MICU3: variants seen among roughly 807,000 people sequenced by gnomAD.
MICU3 encodes mitochondrial calcium uptake 3.
A neutral mutation model predicts 66.5 loss-of-function variants in MICU3; 62 were observed. The observed-to-expected ratio is 0.93, with a 90% CI of 0.76 to 1.15. The LOEUF (loss-of-function observed/expected upper bound fraction) is 1.15. Ranked by LOEUF, MICU3 falls within the 50% of genes most tolerant of loss-of-function variation. MICU3 has a pLI of 0.00. For synonymous variants in MICU3, 308 were observed against 240.7 expected (o/e 1.28, Z -2.59); for missense variants, 779 against 664.4 (o/e 1.17, Z -1.90).
chr8:17,114,039 A>AG, intron 11 of MICU3, 54 bp from the exon 12 acceptor site: 1 of 1,034,728 alleles, frequency 9.7e-7, no homozygotes. Flanking sequence ...GTAGATCCTG[A>AG]TTTTAATAAA....
chr8:17,124,205 A>G (rs760570275), downstream of MICU3, among the ~76,000 whole-genome samples: 5 of 152,132 alleles, frequency 3.3e-5, no homozygotes, highest in African/African-American at 4.8e-5. Flanking sequence ...TCCTTTCAGT[A>G]TACAGTATAA....
intron 1 of MICU3, among the ~76,000 whole-genome samples, chr8:17,061,398 A>G (rs1174512671): frequency 6.6e-6 from 1 of 152,062 alleles, no homozygotes; most frequent in African/African-American, 2.4e-5. Context: ...ATGAGAAAAC[A>G]GGCATCTCAG....
intron 1 of MICU3, among the ~76,000 whole-genome samples, chr8:17,050,530 T>C (rs1014426830): frequency 2.0e-5 from 3 of 152,158 alleles, no homozygotes; most frequent in African/African-American, 7.2e-5. Context: ...AAGCACCTTA[T>C]TCTGTTACTC....
Position 17,038,309 on chromosome 8 carries a change from C to T in MICU3, c.381+10649C>T, listed in dbSNP as rs1008582179. Among the ~76,000 whole-genome samples, 6 of 152,230 alleles carry T rather than the reference C, an allele frequency of 3.9e-5. No homozygotes were observed. In the East Asian group the frequency reaches 1.2e-3, roughly 29 times the overall value. On this transcript the variant is annotated intron_variant, in intron 1 of 14. Coordinates refer to ENST00000318063, the MANE Select transcript of MICU3 (RefSeq NM_181723.3). ...ATCGTGGGGGTGGGTTTTTCCCATG[C>T]TGTTGTCATGATGTTGAATAAGTCT...
chr8:17,098,496 C>T lies in MICU3; in HGVS notation c.927C>T (p.Ser309=). ...ATGCTGAGGAACTTGTCTCCAGAAG[C>T]TATTGGGATACACTGAGACGTAACA... ...KTDAEELVSR[S]YWDTLRRNTS... Residue 309 remains serine (S), a synonymous_variant, in exon 9 of 15, where the codon AGC becomes AGT. Transcript: ENST00000318063. 1.2e-6 allele frequency: 2 copies of T among 1,611,696 alleles called. No homozygotes were observed. Among genetic ancestry groups the T allele is most frequent in the Non-Finnish European group, 8.5e-7 (1 of 1,178,258 alleles).
In MICU3 at chr8:17,116,480, C is replaced by G. The variant is rs1297339091; in HGVS notation, c.1404C>G (p.Leu468=). 6.5e-7 allele frequency: 1 copy of G among 1,538,880 alleles called. No individual in the cohort carries two copies. Among genetic ancestry groups the G allele is most frequent in the African/African-American group, 1.4e-5 (1 of 70,652 alleles). ...GTGCCGTCTATGTAGCTACTGGACT[C>G]AAATTTTCACCACATTTAGTGAACA... ...FKRAVYVATG[L]KFSPHLVNTV... The change falls in exon 13 of 15, where the codon CTC becomes CTG. Residue 468 remains leucine, a synonymous_variant. Coordinates refer to ENST00000318063, the MANE Select transcript of MICU3 (RefSeq NM_181723.3).
chr8:17,089,217 A>C (rs1799790911), intron 7 of MICU3, among the ~76,000 whole-genome samples: 1 of 152,052 alleles, frequency 6.6e-6, no homozygotes, highest in Admixed American at 6.6e-5. Flanking sequence ...CTCTTCCTTA[A>C]AACAATTCAG....
At chr8:17,063,539 C>T (rs1818199933) in intron 1 of MICU3, among the ~76,000 whole-genome samples, 4 of 152,138 alleles carry the variant, frequency 2.6e-5, no homozygotes, top group Middle Eastern at 3.4e-3. Flanking sequence ...AAATTCAGAC[C>T]AATGATGGCC....
At chr8:17,104,356 T>C (rs2150810963) in intron 9 of MICU3, 35 bp from the exon 10 acceptor site, 1 of 1,123,680 alleles carries the variant, frequency 8.9e-7, no homozygotes, top group Admixed American at 2.7e-5. Context: ...TTTCTTTTAT[T>C]GAAGCTAACT....
downstream of MICU3, among the ~76,000 whole-genome samples, chr8:17,127,180 T>G (rs1014927293): frequency 6.6e-6 from 1 of 152,200 alleles, no homozygotes; most frequent in African/African-American, 2.4e-5. Flanking sequence ...ATATTTAAGC[T>G]GAAAAATCTA....
chr8:17,103,925 G>A (rs1205317540), intron 9 of MICU3, among the ~76,000 whole-genome samples: 1 of 151,706 alleles, frequency 6.6e-6, no homozygotes, highest in African/African-American at 2.4e-5. Context: ...TGTGAAGCTT[G>A]GGACCTTTCT....
At chr8:17,088,858 G>A (rs1799750806) in intron 7 of MICU3, among the ~76,000 whole-genome samples, 1 of 151,792 alleles carries the variant, frequency 6.6e-6, no homozygotes, top group Admixed American at 6.6e-5. Context: ...ATTTAATATT[G>A]ATTTAATGCA....
Position 17,081,689 on chromosome 8 carries a change from G to T in MICU3, c.647-4G>T. ...ATATATAACTGATACTATTTTTCTT[G>T]TAGGTGTGATTTCTTACACAGAATA... On this transcript the variant is annotated splice_region_variant and splice_polypyrimidine_tract_variant and intron_variant, in intron 4 of 14. Coordinates refer to ENST00000318063, the MANE Select transcript of MICU3 (RefSeq NM_181723.3). 1 of 850,066 alleles carries T rather than the reference G, an allele frequency of 1.2e-6. No individual in the cohort carries two copies. Among genetic ancestry groups the T allele is most frequent in the South Asian group, 1.7e-5 (1 of 59,190 alleles). The allele number at this position is 850,066 out of a possible 1,614,324, so 52.7% of individuals were successfully genotyped here.
intron 14 of MICU3, 57 bp downstream of exon 14, chr8:17,118,832 T>G: frequency 9.7e-7 from 1 of 1,028,742 alleles, no homozygotes; most frequent in Non-Finnish European, 1.5e-6. Context: ...TCATAATTTA[T>G]TTTTCTGTTA....
chr8:17,106,910 T>A (rs971049139), intron 11 of MICU3, among the ~76,000 whole-genome samples: 3 of 152,092 alleles, frequency 2.0e-5, no homozygotes, highest in Admixed American at 2.0e-4. Context: ...TACTTATGTC[T>A]TTCCCCTCCT....
At chr8:17,027,790 C>G (rs1264672867) in intron 1 of MICU3, 130 bp downstream of exon 1, 1 of 1,148,508 alleles carries the variant, frequency 8.7e-7, no homozygotes, top group East Asian at 3.2e-5. Context: ...GTGAGCGAGG[C>G]TGACACCTAG....
intron 1 of MICU3, among the ~76,000 whole-genome samples, chr8:17,062,809 G>T (rs1256005157): frequency 6.6e-6 from 1 of 151,928 alleles, no homozygotes; most frequent in Non-Finnish European, 1.5e-5. Context: ...AACCTGGGAG[G>T]TGGAGGTTGC....
the MICU3 span, among the ~76,000 whole-genome samples, chr8:17,135,785 G>T: frequency 6.6e-6 from 1 of 152,178 alleles, no homozygotes; most frequent in Admixed American, 6.6e-5. Flanking sequence ...GAATTTGGAA[G>T]AAAAAGGATT....
At chr8:17,060,969 A>G (rs1256269335) in intron 1 of MICU3, among the ~76,000 whole-genome samples, 1 of 152,118 alleles carries the variant, frequency 6.6e-6, no homozygotes, top group African/African-American at 2.4e-5. Flanking sequence ...GTGGAGTTTT[A>G]ATGAAAACCT....
Sources: allele counts gnomAD v4.1 joint callset (sites outside exome capture counted in the v4.1 genomes callset), GRCh38; gene constraint gnomAD v4.1.1; transcripts MANE v1.5; gene names NCBI Gene and HGNC (gene_info 2026-07-23, HGNC 2026-07-21).